FRMPD4: variants seen among roughly 807,000 people sequenced by gnomAD.
FRMPD4 encodes the protein FERM and PDZ domain containing 4.
A neutral mutation model predicts 94.1 loss-of-function variants in FRMPD4; 22 were observed. The observed-to-expected ratio is 0.23, with a 90% CI of 0.17 to 0.33. The LOEUF is 0.33. Among genes scored for constraint, FRMPD4 ranks in the 10% least tolerant of loss-of-function variants. The pLI is 1.00. For synonymous variants in FRMPD4, 631 were observed against 548.6 expected (o/e 1.15, Z -2.10); for missense variants, 1,111 against 1,339.9 (o/e 0.83, Z 2.67).
At chrX:12,462,134 A>G (rs143453343) in intron 1 of FRMPD4, among the ~76,000 whole-genome samples, 5 of 112,145 alleles carry the variant, frequency 4.5e-5, no homozygotes, top group African/African-American at 9.7e-5. Context: ...TCATTCGCCA[A>G]TGCAAGTCAC....
At chrX:12,307,484 G>A (rs1319052378) in intron 1 of FRMPD4, among the ~76,000 whole-genome samples, 1 of 111,943 alleles carries the variant, frequency 8.9e-6, no homozygotes, top group African/African-American at 3.2e-5. Flanking sequence ...TTGAGCAAAA[G>A]AAATCCGACA....
intron 1 of FRMPD4, among the ~76,000 whole-genome samples, chrX:11,839,569 T>C (rs189786136): frequency 9.0e-6 from 1 of 111,557 alleles, no homozygotes; most frequent in Admixed American, 9.6e-5. Context: ...TAATTGTGTC[T>C]TTGAAGTGAA....
intron 3 of FRMPD4, among the ~76,000 whole-genome samples, chrX:12,119,784 C>T (rs2055439480): frequency 1.8e-5 from 2 of 112,241 alleles, no homozygotes; most frequent in Admixed American, 1.9e-4. Context: ...TTCATTCGCA[C>T]CGCAAAGCTA....
At chrX:12,414,151 C>T (rs1196389002) in intron 1 of FRMPD4, among the ~76,000 whole-genome samples, 1 of 112,486 alleles carries the variant, frequency 8.9e-6, no homozygotes, top group Non-Finnish European at 1.9e-5. Flanking sequence ...ATTTAATATG[C>T]ATTGCTTCTA....
intron 1 of FRMPD4, among the ~76,000 whole-genome samples, chrX:12,244,070 A>G (rs2053920432): frequency 9.0e-6 from 1 of 110,536 alleles, no homozygotes; most frequent in Non-Finnish European, 1.9e-5. Context: ...TGATGGGATT[A>G]CAAGTGTGAG....
intron 1 of FRMPD4, among the ~76,000 whole-genome samples, chrX:11,836,737 C>T: frequency 9.0e-6 from 1 of 111,652 alleles, no homozygotes; most frequent in East Asian, 2.8e-4. Flanking sequence ...GAAAACTATG[C>T]CTGGGGTGCT....
chrX:12,260,148 C>T (rs144137918), intron 1 of FRMPD4, among the ~76,000 whole-genome samples: 2 of 111,273 alleles, frequency 1.8e-5, no homozygotes, highest in African/African-American at 6.5e-5. Flanking sequence ...TCTTAGTCAA[C>T]ATGCATTCCC....
intron 1 of FRMPD4, among the ~76,000 whole-genome samples, chrX:12,274,194 T>A (rs1482920636): frequency 1.8e-5 from 2 of 110,773 alleles, no homozygotes; most frequent in Non-Finnish European, 3.8e-5. Flanking sequence ...AATTAAAAAT[T>A]AAAAGAGAAA....
chrX:12,063,695 G>A (rs2054900446), intron 3 of FRMPD4, among the ~76,000 whole-genome samples: 1 of 112,137 alleles, frequency 8.9e-6, no homozygotes, highest in Non-Finnish European at 1.9e-5. Flanking sequence ...TGGGGCTAAA[G>A]TGAGCCAAGC....
At chrX:12,614,926 C>A in intron 4 of FRMPD4, 45 bp downstream of exon 4, 1 of 704,734 alleles carries the variant, frequency 1.4e-6, no homozygotes, top group Non-Finnish European at 2.2e-6. Flanking sequence ...TTGAAGGCTG[C>A]TGCACAGCTC....
intron 1 of FRMPD4, among the ~76,000 whole-genome samples, chrX:12,257,699 T>C (rs2054133691): frequency 8.9e-6 from 1 of 111,797 alleles, no homozygotes; most frequent in Non-Finnish European, 1.9e-5. Context: ...TAATTTATGT[T>C]CTGAGCCTTT....
At chrX:12,024,199 T>TA (rs1351139578) in intron 3 of FRMPD4, among the ~76,000 whole-genome samples, 1 of 112,224 alleles carries the variant, frequency 8.9e-6, no homozygotes, top group African/African-American at 3.2e-5. Context: ...ATTATAGCTC[T>TA]AATTTGTTTA....
chrX:12,262,755 C>A (rs2054212126), intron 1 of FRMPD4, among the ~76,000 whole-genome samples: 1 of 111,527 alleles, frequency 9.0e-6, no homozygotes, highest in Non-Finnish European at 1.9e-5. Context: ...TGGCCGGGCC[C>A]ATTTGTGTAT....
At chrX:12,161,320 G>C (rs1387421278) in intron 1 of FRMPD4, among the ~76,000 whole-genome samples, 1 of 111,227 alleles carries the variant, frequency 9.0e-6, no homozygotes, top group Non-Finnish European at 1.9e-5. Flanking sequence ...CACCACACTG[G>C]GCTAATTTTT....
intron 3 of FRMPD4, among the ~76,000 whole-genome samples, chrX:12,099,986 T>C (rs1056691045): frequency 4.5e-5 from 5 of 111,989 alleles, no homozygotes; most frequent in African/African-American, 1.6e-4. Context: ...GTAAATAAAG[T>C]TTTACTGGGA....
At chrX:12,548,865 T>A (rs1265290056) in intron 2 of FRMPD4, among the ~76,000 whole-genome samples, 1 of 111,223 alleles carries the variant, frequency 9.0e-6, no homozygotes, top group East Asian at 2.8e-4. Flanking sequence ...GGAAGCTAAA[T>A]CTAGGCTGGT....
At chrX:12,016,888 C>T (rs891207814) in intron 3 of FRMPD4, among the ~76,000 whole-genome samples, 2 of 112,007 alleles carry the variant, frequency 1.8e-5, no homozygotes, top group Non-Finnish European at 3.8e-5. Context: ...GCCAAAGCCT[C>T]TATTGGAAGC....
At chrX:12,473,746 A>C (rs1036096285) in intron 1 of FRMPD4, among the ~76,000 whole-genome samples, 1 of 110,677 alleles carries the variant, frequency 9.0e-6, no homozygotes, top group African/African-American at 3.4e-5. Context: ...AAAGGAATCA[A>C]TTCAACAAGA....
intron 1 of FRMPD4, among the ~76,000 whole-genome samples, chrX:12,298,756 G>A (rs2054811755): frequency 8.9e-6 from 1 of 112,307 alleles, no homozygotes; most frequent in Admixed American, 9.4e-5. Flanking sequence ...AGGGGTTAGT[G>A]TAAAATTCTG....
Sources: allele counts gnomAD v4.1 joint callset (sites outside exome capture counted in the v4.1 genomes callset), GRCh38; gene constraint gnomAD v4.1.1; transcripts MANE v1.5; gene names NCBI Gene and HGNC (gene_info 2026-07-23, HGNC 2026-07-21).